Variants in ATP6V0E1 observed in about 807,000 individuals in gnomAD.
ATP6V0E1 encodes V-type proton ATPase subunit e 1.
Under a neutral mutation model 11.6 loss-of-function variants are expected in ATP6V0E1, and 4 were observed. The ratio of observed to expected loss-of-function variants is 0.35; its 90% CI spans 0.17 to 0.79. ATP6V0E1 has a LOEUF of 0.79. Among genes scored for constraint, ATP6V0E1 ranks in the 30% least tolerant of loss-of-function variants. The pLI is 0.54. For missense variants in ATP6V0E1, 105 were observed against 100.0 expected, an observed-to-expected ratio of 1.05 and a Z score of -0.21; for synonymous variants, 36 against 34.8, an observed-to-expected ratio of 1.04 and a Z score of -0.13.
rs187300910 is a variant in ATP6V0E1 at position 172,987,607 on chromosome 5, C to T, written c.104+3643C>T. Among the ~76,000 whole-genome samples the T allele has an allele frequency of 2.5e-3, 384 of 152,084 alleles. 2 individuals carry two copies. The highest frequency in any genetic ancestry group is 8.8e-3 in the African/African-American group (365 of 41,492). ...CCCCCTGCTATAACATCTTTTGCCACCTATACTTAGAATGAAGTGTTGTCT... is the reference window on the plus strand; with the variant it reads ...CCCCCTGCTATAACATCTTTTGCCATCTATACTTAGAATGAAGTGTTGTCT... On this transcript the variant is annotated intron_variant, in intron 1 of 3. Coordinates refer to ENST00000519374, the MANE Select transcript of ATP6V0E1 (RefSeq NM_003945.4).
intron 2 of ATP6V0E1, among the ~76,000 whole-genome samples, chr5:173,016,649 T>A (rs934281413): frequency 1.3e-5 from 2 of 152,204 alleles, no homozygotes; most frequent in African/African-American, 4.8e-5. Context: ...CGAAAGTGTT[T>A]TTTCAGGCAG....
At position 173,032,257 on chromosome 5, in the gene ATP6V0E1, A is replaced by ATT. The variant is rs200070720; in HGVS notation, c.*37-2140_*37-2139dup. Among the ~76,000 whole-genome samples, 68 of 98,648 alleles carry ATT rather than the reference A, an allele frequency of 6.9e-4. 1 individual carries two copies. The highest frequency in any genetic ancestry group is 2.2e-3 in the African/African-American group (57 of 25,608). 64.7% of individuals were successfully genotyped at this position (98,648 alleles called of 152,430 possible). A position where few individuals can be genotyped will look rare whatever the true frequency, so the allele number is the denominator to read the frequency against. Reference sequence around the variant, plus strand: ...CATTTACTTTTATTTTATTTTATTTATTTATTTATTTATTTATTTATTTAT... The same window carrying ATT: ...CATTTACTTTTATTTTATTTTATTTATTTTTATTTATTTATTTATTTATTTAT... On this transcript the variant is annotated intron_variant, in intron 3 of 3. Transcript: ENST00000519374.
At chr5:173,024,479 T>C (rs548824428) in intron 3 of ATP6V0E1, among the ~76,000 whole-genome samples, 1 of 152,226 alleles carries the variant, frequency 6.6e-6, no homozygotes, top group African/African-American at 2.4e-5. Context: ...GTTTCCTTAC[T>C]TTCTGGCAAC....
chr5:172,998,736 C>A (rs1756110298), intron 2 of ATP6V0E1, among the ~76,000 whole-genome samples: 1 of 152,086 alleles, frequency 6.6e-6, no homozygotes, highest in Admixed American at 6.5e-5. Flanking sequence ...AAGGGAGCGC[C>A]ATATCAATCC....
At chr5:172,988,543 T>A (rs1046926794) in intron 1 of ATP6V0E1, among the ~76,000 whole-genome samples, 1 of 152,212 alleles carries the variant, frequency 6.6e-6, no homozygotes, top group African/African-American at 2.4e-5. Context: ...TTTCCTCTTT[T>A]TAAAATGGAA....
intron 2 of ATP6V0E1, among the ~76,000 whole-genome samples, chr5:173,008,802 T>C (rs987502503): frequency 6.7e-6 from 1 of 148,814 alleles, no homozygotes; most frequent in Non-Finnish European, 1.5e-5. Flanking sequence ...TCCCAGCTAC[T>C]TGGGAGGCTG....
chr5:173,023,166 G>T (rs1178644901), intron 3 of ATP6V0E1, among the ~76,000 whole-genome samples: 2 of 148,178 alleles, frequency 1.3e-5, no homozygotes, highest in East Asian at 2.0e-4. Context: ...CGCAAATGAT[G>T]ATTTTTCCAG....
chr5:173,021,753 G>A (rs1756488774), intron 3 of ATP6V0E1, among the ~76,000 whole-genome samples: 1 of 152,176 alleles, frequency 6.6e-6, no homozygotes, highest in Admixed American at 6.5e-5. Context: ...AGTGCCTTTT[G>A]AAAATCAGTC....
intron 1 of ATP6V0E1, among the ~76,000 whole-genome samples, chr5:172,984,250 A>T (rs1755848088): frequency 6.6e-6 from 1 of 152,182 alleles, no homozygotes; most frequent in African/African-American, 2.4e-5. Context: ...GTGCAGTCGG[A>T]AATGAGCAGG....
At chr5:173,008,066 C>A (rs909213409) in intron 2 of ATP6V0E1, among the ~76,000 whole-genome samples, 6 of 152,190 alleles carry the variant, frequency 3.9e-5, no homozygotes, top group Non-Finnish European at 5.9e-5. Flanking sequence ...ACCCACTCCG[C>A]GACCTCCGGC....
intron 1 of ATP6V0E1, among the ~76,000 whole-genome samples, chr5:172,991,405 C>G (rs531612954): frequency 2.6e-5 from 4 of 152,234 alleles, no homozygotes; most frequent in African/African-American, 9.6e-5. Context: ...ACAAAGGAGC[C>G]TCAGCTCTTT....
intron 3 of ATP6V0E1, among the ~76,000 whole-genome samples, chr5:173,021,412 A>G (rs1168347429): frequency 2.0e-5 from 3 of 152,160 alleles, no homozygotes. Context: ...GCAGCAAGAG[A>G]GAATCAGAAC....
intron 1 of ATP6V0E1, among the ~76,000 whole-genome samples, chr5:172,990,882 G>T (rs1032598792): frequency 6.6e-6 from 1 of 151,594 alleles, no homozygotes; most frequent in East Asian, 1.9e-4. Context: ...TGGCCAGGTT[G>T]GTCTTAAACA....
intron 1 of ATP6V0E1, among the ~76,000 whole-genome samples, chr5:172,985,089 C>CA (rs1755870953): frequency 6.6e-6 from 1 of 151,850 alleles, no homozygotes; most frequent in African/African-American, 2.4e-5. Context: ...ACTAAAAACA[C>CA]AAAAAATTAG....
At chr5:172,997,219 T>C (rs1756079086) in intron 2 of ATP6V0E1, among the ~76,000 whole-genome samples, 1 of 152,188 alleles carries the variant, frequency 6.6e-6, no homozygotes, top group African/African-American at 2.4e-5. Flanking sequence ...CACCAGAAGG[T>C]AGTCATGACT....
chr5:173,032,613 C>A (rs1756682185), intron 3 of ATP6V0E1, among the ~76,000 whole-genome samples: 1 of 152,030 alleles, frequency 6.6e-6, no homozygotes, highest in Non-Finnish European at 1.5e-5. Flanking sequence ...AAACTGGTAT[C>A]ATTGATCTTG....
chr5:173,022,838 G>T (rs1756505324), intron 3 of ATP6V0E1, among the ~76,000 whole-genome samples: 1 of 151,586 alleles, frequency 6.6e-6, no homozygotes, highest in South Asian at 2.1e-4. Flanking sequence ...TTACTATGTG[G>T]TCCATGTTTT....
chr5:173,031,497 A>G (rs566277393), intron 3 of ATP6V0E1, among the ~76,000 whole-genome samples: 1 of 147,698 alleles, frequency 6.8e-6, no homozygotes, highest in African/African-American at 2.5e-5. Context: ...ACCCCCAGTC[A>G]GCTATTTCTT....
intron 2 of ATP6V0E1, among the ~76,000 whole-genome samples, chr5:173,016,407 AT>A (rs1561774028): frequency 6.6e-6 from 1 of 152,200 alleles, no homozygotes; most frequent in Non-Finnish European, 1.5e-5. Context: ...AAAGGAGTCA[AT>A]GTTTTTTCCA....
Sources: gnomAD v4.1 joint callset for allele counts (sites outside exome capture counted in the v4.1 genomes callset) on GRCh38, gnomAD v4.1.1 for gene constraint, MANE v1.5 for transcripts, NCBI Gene and HGNC (gene_info 2026-07-23, HGNC 2026-07-21) for gene names.